RBMS3: variants seen among roughly 807,000 people sequenced by gnomAD.
RBMS3 encodes the protein RNA-binding motif, single-stranded-interacting protein 3.
In RBMS3, 27 loss-of-function variants were observed where a neutral mutation model predicts 66.8. That is an observed-to-expected ratio of 0.40 (90% CI 0.30 to 0.56). RBMS3 has a LOEUF of 0.56. RBMS3 is among the 20% of genes least tolerant of loss of function. RBMS3 has a pLI of 0.40. For synonymous variants in RBMS3, 188 were observed against 183.0 expected (o/e 1.03, Z -0.22); for missense variants, 513 against 549.5 (o/e 0.93, Z 0.66).
At chr3:29,601,132 C>T (rs117420244) in intron 4 of RBMS3, among the ~76,000 whole-genome samples, 1 of 151,246 alleles carries the variant, frequency 6.6e-6, no homozygotes, top group East Asian at 1.9e-4. Flanking sequence ...GCATAACATA[C>T]AATATATATT....
At chr3:29,602,403 T>C (rs1389011100) in intron 4 of RBMS3, among the ~76,000 whole-genome samples, 1 of 152,040 alleles carries the variant, frequency 6.6e-6, no homozygotes, top group Non-Finnish European at 1.5e-5. Flanking sequence ...TAGTAACTTG[T>C]GCATATGGTA....
chr3:29,513,194 C>T (rs2044482142), intron 3 of RBMS3, among the ~76,000 whole-genome samples: 2 of 152,114 alleles, frequency 1.3e-5, no homozygotes, highest in African/African-American at 4.8e-5. Context: ...TGTTAGTCTT[C>T]CTAGAACCCT....
intron 4 of RBMS3, chr3:29,614,731 A>G (rs941889931): frequency 6.6e-6 from 1 of 152,270 alleles, no homozygotes; most frequent in East Asian, 1.9e-4. Context: ...AATATAAAAT[A>G]AATATGTGAG....
intron 6 of RBMS3, among the ~76,000 whole-genome samples, chr3:29,845,200 C>A (rs1046292792): frequency 6.6e-6 from 1 of 152,142 alleles, no homozygotes; most frequent in Non-Finnish European, 1.5e-5. Context: ...TCATAAAATA[C>A]CTCAGTAAAT....
Position 29,651,921 on chromosome 3 carries a change from A to G in RBMS3, c.399+64716A>G, listed in dbSNP as rs2050157699. On this transcript the variant is annotated intron_variant, in intron 4 of 14. Coordinates refer to ENST00000383767, the MANE Select transcript of RBMS3 (RefSeq NM_001003793.3). ...TTCACTTACCATACTTATATTTTTC[A>G]GCCTTTGCAGAATACATGGTAGTTT... is the stretch of plus-strand genomic sequence containing the variant. Among the ~76,000 whole-genome samples, 8 of 152,226 alleles carry G rather than the reference A, an allele frequency of 5.3e-5. No homozygotes were observed. The South Asian group carries it at 1.7e-3, about 32-fold the overall frequency.
intron 3 of RBMS3, among the ~76,000 whole-genome samples, chr3:29,561,895 T>G (rs955134639): frequency 2.6e-5 from 4 of 152,218 alleles, no homozygotes; most frequent in Non-Finnish European, 5.9e-5. Context: ...TCTGTTCATG[T>G]CCTTTGCCAA....
rs1345056277 is a variant in RBMS3 at position 29,991,095 on chromosome 3, A to G, written c.1193A>G (p.Asp398Gly). 3.7e-6 allele frequency: 6 copies of G among 1,614,012 alleles called. No homozygotes were observed. Among genetic ancestry groups the G allele is most frequent in the Non-Finnish European group, 5.1e-6 (6 of 1,180,040 alleles). The change falls in exon 14 of 15, where the codon GAT becomes GGT. Residue 398 changes from aspartate to glycine, a missense_variant. By Grantham distance (94) the Asp-to-Gly change is moderately conservative (BLOSUM62 -1). Transcript: ENST00000383767. The part of the protein sequence containing the change: ...TAVSIEGVVA[D>G]TSPQTVAPSS... ...TTGCCTCCTTAGGGTGTTGTTGCTG[A>G]TACCTCTCCCCAGACAGTGGCACCT... is the stretch of plus-strand genomic sequence containing the variant.
chr3:29,438,907 G>A (rs1051828000), intron 2 of RBMS3, among the ~76,000 whole-genome samples: 2 of 152,178 alleles, frequency 1.3e-5, no homozygotes, highest in Non-Finnish European at 2.9e-5. Context: ...AGAGAGAGGA[G>A]CATGATACTA....
At chr3:29,859,717 T>C (rs2059165660) in intron 6 of RBMS3, among the ~76,000 whole-genome samples, 1 of 152,250 alleles carries the variant, frequency 6.6e-6, no homozygotes, top group Admixed American at 6.5e-5. Flanking sequence ...AAAGAAAATG[T>C]AACCAAATAG....
intron 4 of RBMS3, among the ~76,000 whole-genome samples, chr3:29,726,050 C>T (rs1408032600): frequency 6.6e-6 from 1 of 152,142 alleles, no homozygotes; most frequent in East Asian, 1.9e-4. Context: ...AAGGCTGGTT[C>T]AACATATGCA....
At chr3:29,446,937 A>G (rs1340540100) in intron 2 of RBMS3, among the ~76,000 whole-genome samples, 3 of 118,232 alleles carry the variant, frequency 2.5e-5, no homozygotes, top group Middle Eastern at 7.6e-3. Context: ...TTTTGGAGAC[A>G]GAGTATCACT....
At chr3:29,416,930 A>G (rs2040500471) in intron 1 of RBMS3, among the ~76,000 whole-genome samples, 1 of 152,100 alleles carries the variant, frequency 6.6e-6, no homozygotes, top group African/African-American at 2.4e-5. Context: ...AGCTATTACC[A>G]TTTATGAGTT....
intron 1 of RBMS3, among the ~76,000 whole-genome samples, chr3:29,379,026 C>T (rs964745366): frequency 6.6e-6 from 1 of 152,108 alleles, no homozygotes; most frequent in African/African-American, 2.4e-5. Flanking sequence ...GAGAGATTTT[C>T]CTTTGAGGTC....
chr3:29,705,109 C>G (rs1457649897), intron 4 of RBMS3, among the ~76,000 whole-genome samples: 1 of 152,176 alleles, frequency 6.6e-6, no homozygotes, highest in East Asian at 1.9e-4. Flanking sequence ...CGATAGCTTT[C>G]TCGCCCATGT....
At chr3:29,284,296 A>C (rs1378721990) in intron 1 of RBMS3, among the ~76,000 whole-genome samples, 1 of 152,096 alleles carries the variant, frequency 6.6e-6, no homozygotes, top group Non-Finnish European at 1.5e-5. Context: ...AACATATCTT[A>C]AATTTTTCTC....
At chr3:29,736,081 A>T (rs2054366541) in intron 4 of RBMS3, among the ~76,000 whole-genome samples, 2 of 152,230 alleles carry the variant, frequency 1.3e-5, no homozygotes, top group South Asian at 4.1e-4. Context: ...CATAAACCTG[A>T]TATATAAATA....
At position 29,587,227 on chromosome 3, in the gene RBMS3, GTT is replaced by G. The variant is rs537893659; in HGVS notation, c.399+43_399+44del. 1,648 of 212,896 alleles carry G rather than the reference GTT, an allele frequency of 7.7e-3. 16 individuals carry two copies. The highest frequency in any genetic ancestry group is 0.017 in the African/African-American group (177 of 10,470). 13.2% of individuals were successfully genotyped at this position (212,896 alleles called of 1,614,324 possible). ...TAAGGTAAGATTGATGTTTAGGGGT[GTT>G]TTTTTTTTTTTTTTTTTTTTGTGTG... On this transcript the variant is annotated intron_variant, in intron 4 of 14. Transcript: ENST00000383767.
intron 4 of RBMS3, among the ~76,000 whole-genome samples, chr3:29,702,280 G>C (rs886230694): frequency 3.2e-4 from 49 of 152,176 alleles, no homozygotes; most frequent in African/African-American, 1.1e-3. Flanking sequence ...TCTGTGTCTA[G>C]CTAATCTAGT....
At chr3:29,295,199 G>A (rs2033138850) in intron 1 of RBMS3, among the ~76,000 whole-genome samples, 1 of 149,728 alleles carries the variant, frequency 6.7e-6, no homozygotes. Context: ...AATCTCCTAT[G>A]TTTGTTCTGC....
Sources: gnomAD v4.1 joint callset for allele counts (sites outside exome capture counted in the v4.1 genomes callset) on GRCh38, gnomAD v4.1.1 for gene constraint, MANE v1.5 for transcripts, NCBI Gene and HGNC (gene_info 2026-07-23, HGNC 2026-07-21) for gene names.